The following CCDC33 variants were observed in gnomAD, a reference collection of about 807,000 sequenced individuals.
CCDC33 encodes coiled-coil domain containing 33.
A neutral mutation model predicts 91.9 loss-of-function variants in CCDC33; 94 were observed. The ratio of observed to expected loss-of-function variants is 1.02; its 90% confidence interval spans 0.87 to 1.21. CCDC33 has a LOEUF of 1.21. Among genes scored for constraint, CCDC33 ranks in the 50% most tolerant of loss-of-function variants. CCDC33 has a pLI of 0.00. For missense variants in CCDC33, 940 were observed against 935.5 expected (o/e 1.00, Z -0.06); for synonymous variants, 396 against 374.5 (o/e 1.06, Z -0.66).
chr15:74,270,867 T>C (rs888082933), intron 5 of CCDC33, among the ~76,000 whole-genome samples: 4 of 152,044 alleles, frequency 2.6e-5, no homozygotes, highest in Non-Finnish European at 4.4e-5. Context: ...CCCGCTCGGC[T>C]CTCTGAAAGC....
At chr15:74,308,516 G>A (rs1233240183) in intron 11 of CCDC33, among the ~76,000 whole-genome samples, 1 of 152,226 alleles carries the variant, frequency 6.6e-6, no homozygotes, top group Non-Finnish European at 1.5e-5. Context: ...GGGCGGAGTC[G>A]AGGGGGCGGG....
At chr15:74,255,099 A>G (rs762363218) in intron 2 of CCDC33, among the ~76,000 whole-genome samples, 10 of 121,026 alleles carry the variant, frequency 8.3e-5, no homozygotes, top group Non-Finnish European at 1.6e-4. Flanking sequence ...CTTTCCCCCC[A>G]TCCTGAAAGC....
intron 9 of CCDC33, among the ~76,000 whole-genome samples, chr15:74,281,216 G>A (rs2059356709): frequency 6.6e-6 from 1 of 152,240 alleles, no homozygotes; most frequent in South Asian, 2.1e-4. Context: ...CAATCTCTGT[G>A]TATAACAAGA....
chr15:74,312,522 C>G (rs1225522111), intron 11 of CCDC33, among the ~76,000 whole-genome samples: 1 of 152,218 alleles, frequency 6.6e-6, no homozygotes, highest in African/African-American at 2.4e-5. Flanking sequence ...TCTCCCTGCT[C>G]CCTGCCCTGC....
intron 1 of CCDC33, among the ~76,000 whole-genome samples, chr15:74,207,211 T>TAGAAGA (rs1340147372): frequency 6.6e-6 from 1 of 152,142 alleles, no homozygotes; most frequent in Non-Finnish European, 1.5e-5. Flanking sequence ...GTGCCAAGCT[T>TAGAAGA]AGAAGAAGCT....
chr15:74,330,752 G>A lies in CCDC33; in HGVS notation c.1545+1G>A, dbSNP rs2060414633. ...GCATTTGCAGAATGAGCTGATTCGA[G>A]TGAGCTGGGGCTTGTGGGGGCAGAG... On this transcript the variant is annotated splice_donor_variant, in intron 13 of 18. Transcript: ENST00000398814. LOFTEE classifies it high-confidence loss of function. 4.3e-6 allele frequency: 7 copies of A among 1,612,728 alleles called. No individual in the cohort carries two copies. The highest frequency in any genetic ancestry group is 5.9e-6 in the Non-Finnish European group (7 of 1,179,420).
intron 11 of CCDC33, among the ~76,000 whole-genome samples, chr15:74,328,176 A>G (rs1456902181): frequency 2.0e-5 from 3 of 152,220 alleles, no homozygotes; most frequent in African/African-American, 2.4e-5. Context: ...GTCCCCCATC[A>G]GTAATGGGCT....
chr15:74,306,256 C>A (rs1396032361), intron 11 of CCDC33, among the ~76,000 whole-genome samples: 1 of 152,178 alleles, frequency 6.6e-6, no homozygotes. Flanking sequence ...GTGGTCAGGA[C>A]TGGGGCTCAG....
chr15:74,280,711 CTCTGT>C lies in CCDC33; in HGVS notation c.934_938del (p.Ser312ValfsTer37). On this transcript the variant is annotated frameshift_variant, in exon 9 of 19. Coordinates refer to ENST00000398814, the MANE Select transcript of CCDC33 (RefSeq NM_025055.5). LOFTEE classifies it high-confidence loss of function. ...GGACCCTCAACCAGCCCCTGGGCATCTCTGTGTTGCCGCTAAAGAGCCGTTTGTAC... is the reference window on the plus strand; with the variant it reads ...GGACCCTCAACCAGCCCCTGGGCATCGTTGCCGCTAAAGAGCCGTTTGTAC... 1 of 1,563,700 alleles carries C rather than the reference CTCTGT, an allele frequency of 6.4e-7. No homozygotes were observed. Among genetic ancestry groups the C allele is most frequent in the Non-Finnish European group, 8.7e-7 (1 of 1,154,174 alleles).
chr15:74,246,578 C>T (rs2075536121), intron 2 of CCDC33, among the ~76,000 whole-genome samples: 1 of 152,284 alleles, frequency 6.6e-6, no homozygotes, highest in Non-Finnish European at 1.5e-5. Flanking sequence ...AGGTGCACAT[C>T]GCTAATCATC....
At chr15:74,233,245 C>T (rs923279465), upstream of CCDC33, among the ~76,000 whole-genome samples, 9 of 152,212 alleles carry the variant, frequency 5.9e-5, no homozygotes, top group African/African-American at 1.9e-4. Context: ...GAGGCAGGGG[C>T]GTGGGACCAG....
At chr15:74,277,618 C>T (rs1029303128) in intron 7 of CCDC33, among the ~76,000 whole-genome samples, 2 of 152,258 alleles carry the variant, frequency 1.3e-5, no homozygotes, top group Non-Finnish European at 2.9e-5. Context: ...ACAGTACCCT[C>T]ACCAGGGCTC....
chr15:74,287,874 C>T (rs1044622926), intron 10 of CCDC33, among the ~76,000 whole-genome samples: 1 of 152,154 alleles, frequency 6.6e-6, no homozygotes, highest in African/African-American at 2.4e-5. Flanking sequence ...CCAACCTGGC[C>T]CCCAGGTCAC....
chr15:74,225,019 G>A (rs1453847375), intron 2 of CCDC33, among the ~76,000 whole-genome samples: 1 of 152,052 alleles, frequency 6.6e-6, no homozygotes, highest in Non-Finnish European at 1.5e-5. Flanking sequence ...TTAGCAGATT[G>A]TTGTAACCGA....
In CCDC33 at chr15:74,236,520, CCT is replaced by C; in HGVS notation, c.-198_-197del. On this transcript the variant is annotated 5_prime_UTR_variant, in exon 1 of 19. Coordinates refer to ENST00000398814, the MANE Select transcript of CCDC33 (RefSeq NM_025055.5). ...CCTGCTCCCACCTGGCCACCCTCCC[CCT>C]CCCCCCACATCCAGGCCCCAGGGCT... 2.4e-6 allele frequency: 1 copy of C among 410,042 alleles called. No homozygotes were observed. The allele number at this position is 410,042 out of a possible 1,614,324, so 25.4% of individuals were successfully genotyped here. A position where few individuals can be genotyped will look rare whatever the true frequency, so the allele number is the denominator to read the frequency against.
chr15:74,243,385 A>T (rs1280802181), intron 1 of CCDC33, among the ~76,000 whole-genome samples: 2 of 152,224 alleles, frequency 1.3e-5, no homozygotes, highest in East Asian at 3.8e-4. Context: ...GGATTTAGGA[A>T]TTACAGACGA....
chr15:74,288,389 A>G (rs1260951355), intron 10 of CCDC33, among the ~76,000 whole-genome samples: 2 of 152,180 alleles, frequency 1.3e-5, no homozygotes, highest in African/African-American at 4.8e-5. Flanking sequence ...TCTTGACAAC[A>G]TTCCTGTTAA....
At chr15:74,284,413 C>T (rs2059432327) in intron 10 of CCDC33, among the ~76,000 whole-genome samples, 1 of 152,170 alleles carries the variant, frequency 6.6e-6, no homozygotes, top group Admixed American at 6.6e-5. Flanking sequence ...AATTCATGAA[C>T]AGGTCAGATG....
intron 16 of CCDC33, chr15:74,333,179 C>T: frequency 6.8e-7 from 1 of 1,479,362 alleles, no homozygotes; most frequent in Non-Finnish European, 9.3e-7. Flanking sequence ...TGGAGCATTC[C>T]CTGGTCTTGG....
Sources: gnomAD v4.1 joint callset for allele counts (sites outside exome capture counted in the v4.1 genomes callset) on GRCh38, gnomAD v4.1.1 for gene constraint, MANE v1.5 for transcripts, NCBI Gene and HGNC (gene_info 2026-07-23, HGNC 2026-07-21) for gene names.